Variants in VPS13B observed in about 807,000 individuals in gnomAD.
The protein encoded by VPS13B is intermembrane lipid transfer protein VPS13B.
VPS13B carries 285 observed loss-of-function variants against 426.4 expected under a neutral mutation model. The observed-to-expected ratio is 0.67, with a 90% CI of 0.61 to 0.74. The LOEUF is 0.74. Ranked by LOEUF, VPS13B falls within the 30% of genes least tolerant of loss-of-function variation. VPS13B has a pLI of 0.00. For missense variants in VPS13B, 4,537 were observed against 4,782.6 expected (o/e 0.95, Z 1.51); for synonymous variants, 1,676 against 1,676.4 (o/e 1.00, Z 0.01).
chr8:99,301,837 A>T (rs1588225927), intron 19 of VPS13B, among the ~76,000 whole-genome samples: 1 of 151,274 alleles, frequency 6.6e-6, no homozygotes, highest in South Asian at 2.1e-4. Context: ...ATGTTGCCCA[A>T]CCTGGTCTCA....
At chr8:99,140,099 G>C (rs904183278) in intron 12 of VPS13B, among the ~76,000 whole-genome samples, 1 of 152,112 alleles carries the variant, frequency 6.6e-6, no homozygotes, top group Non-Finnish European at 1.5e-5. Flanking sequence ...GAGCGTGGTG[G>C]CTCATGCCTG....
intron 32 of VPS13B, among the ~76,000 whole-genome samples, chr8:99,576,031 A>G (rs1825759311): frequency 6.6e-6 from 1 of 152,160 alleles, no homozygotes; most frequent in South Asian, 2.1e-4. Context: ...TTTGTAGATG[A>G]CAAAACTGAG....
intron 19 of VPS13B, among the ~76,000 whole-genome samples, chr8:99,299,515 A>G (rs1820243223): frequency 1.3e-5 from 2 of 152,130 alleles, no homozygotes; most frequent in African/African-American, 2.4e-5. Flanking sequence ...TTTTACCAGC[A>G]GATTAACTCC....
At chr8:99,694,910 A>C (rs1327707094) in intron 35 of VPS13B, among the ~76,000 whole-genome samples, 1 of 152,124 alleles carries the variant, frequency 6.6e-6, no homozygotes, top group Non-Finnish European at 1.5e-5. Context: ...CACTTCTCAA[A>C]AGAAGACACT....
chr8:99,136,920 T>A (rs1197315363), intron 12 of VPS13B, among the ~76,000 whole-genome samples, 168 bp downstream of exon 12: 1 of 152,198 alleles, frequency 6.6e-6, no homozygotes, highest in Non-Finnish European at 1.5e-5. Flanking sequence ...TCTTAGATTC[T>A]TGTCATTTCA....
At chr8:99,696,162 G>A (rs1453842742) in intron 35 of VPS13B, 4 of 165,646 alleles carry the variant, frequency 2.4e-5, no homozygotes, top group Admixed American at 6.2e-5. Context: ...GCGGGACCTC[G>A]GTGCCTTCCT....
rs1847101641 is a variant in VPS13B, at chr8:99,107,328, A to G, written c.581-3770A>G. 2.0e-5 allele frequency among the ~76,000 whole-genome samples: 3 copies of G among 152,166 alleles called. No individual in the cohort carries two copies. In the South Asian group the frequency reaches 6.2e-4, roughly 32 times the overall value. ...AAAAGAATAGACAACTCAGTAGAAA[A>G]ATGGACAAGAGACTTGAACAAACAC... is the stretch of plus-strand genomic sequence containing the variant. On this transcript the variant is annotated intron_variant, in intron 5 of 61. Transcript: ENST00000357162.
At chr8:99,395,474 C>G (rs1225211063) in intron 21 of VPS13B, among the ~76,000 whole-genome samples, 1 of 152,134 alleles carries the variant, frequency 6.6e-6, no homozygotes, top group Non-Finnish European at 1.5e-5. Context: ...TTAGGACATT[C>G]AGTGGAGACC....
At position 99,312,854 on chromosome 8, in the gene VPS13B, G is replaced by T. The variant is rs1394567020; in HGVS notation, c.2824+37600G>T. Among the ~76,000 whole-genome samples the T allele has an allele frequency of 2.0e-5, 3 of 152,128 alleles. No individual in the cohort carries two copies. In the East Asian group the frequency reaches 5.8e-4, roughly 29 times the overall value. On this transcript the variant is annotated intron_variant, in intron 19 of 61. Transcript: ENST00000357162. ...TCACATAGTCCCATATTTCTTGGAG[G>T]CTTTGTTCATTTCTTTTTACTCTTT...
chr8:99,201,220 A>G (rs1242173033), intron 17 of VPS13B, among the ~76,000 whole-genome samples: 1 of 151,704 alleles, frequency 6.6e-6, no homozygotes, highest in African/African-American at 2.4e-5. Flanking sequence ...TCTGACCTGA[A>G]TTAAACTGTT....
At chr8:99,153,352 AT>A (rs1811176488) in intron 14 of VPS13B, among the ~76,000 whole-genome samples, 1 of 151,336 alleles carries the variant, frequency 6.6e-6, no homozygotes, top group African/African-American at 2.4e-5. Context: ...GCTATTTTCT[AT>A]TTTTTGCCCT....
rs371953730 is a variant in VPS13B at position 99,309,184 on chromosome 8, A to C, written c.2824+33930A>C. 4.0e-3 allele frequency among the ~76,000 whole-genome samples: 609 copies of C among 152,188 alleles called. 29 individuals carry two copies. The South Asian group carries it at 0.098, about 25-fold the overall frequency. ...TTGCTGTGCAGAAGCTCTTTAGTTT[A>C]GTTAGATCCCATTTGTCAATTTTGG... On this transcript the variant is annotated intron_variant, in intron 19 of 61. Coordinates refer to ENST00000357162, the MANE Select transcript of VPS13B (RefSeq NM_152564.5).
chr8:99,050,040 T>C (rs1843442946), intron 3 of VPS13B, among the ~76,000 whole-genome samples: 2 of 152,062 alleles, frequency 1.3e-5, no homozygotes, highest in South Asian at 2.1e-4. Context: ...TTATTTATCT[T>C]TTTTAAATTA....
At chr8:99,298,206 C>T (rs1051850271) in intron 19 of VPS13B, among the ~76,000 whole-genome samples, 2 of 152,050 alleles carry the variant, frequency 1.3e-5, no homozygotes, top group South Asian at 2.1e-4. Flanking sequence ...ATACTTTTGT[C>T]GGCCGGGTGC....
chr8:99,795,530 G>C (rs943941500), intron 43 of VPS13B, among the ~76,000 whole-genome samples: 1 of 152,114 alleles, frequency 6.6e-6, no homozygotes, highest in Non-Finnish European at 1.5e-5. Context: ...ACCTATTGCT[G>C]TATAAAAAAT....
chr8:99,688,597 A>T (rs933153125), intron 35 of VPS13B, among the ~76,000 whole-genome samples: 8 of 152,040 alleles, frequency 5.3e-5, no homozygotes, highest in African/African-American at 1.7e-4. Context: ...GCTTGGATAA[A>T]TTAATTTGAC....
intron 12 of VPS13B, among the ~76,000 whole-genome samples, 191 bp downstream of exon 12, chr8:99,136,943 A>T (rs1810100612): frequency 6.6e-6 from 1 of 152,190 alleles, no homozygotes; most frequent in African/African-American, 2.4e-5. Context: ...TCCATTCTTT[A>T]TACAGCTGAC....
At chr8:99,270,663 C>T (rs1437914937) in intron 17 of VPS13B, among the ~76,000 whole-genome samples, 1 of 152,126 alleles carries the variant, frequency 6.6e-6, no homozygotes, top group East Asian at 1.9e-4. Context: ...ATTTTTGGTT[C>T]TGAACACCAT....
intron 25 of VPS13B, among the ~76,000 whole-genome samples, chr8:99,498,571 T>TA (rs1053203516): frequency 6.6e-5 from 10 of 151,504 alleles, no homozygotes; most frequent in African/African-American, 9.7e-5. Context: ...CTCATGAAAA[T>TA]AAAAAAAAGA....
Sources: gnomAD v4.1 joint callset for allele counts (sites outside exome capture counted in the v4.1 genomes callset) on GRCh38, gnomAD v4.1.1 for gene constraint, MANE v1.5 for transcripts, NCBI Gene and HGNC (gene_info 2026-07-23, HGNC 2026-07-21) for gene names.